PRODH2: variants seen among roughly 807,000 people sequenced by gnomAD.
The protein encoded by PRODH2 is proline dehydrogenase 2.
In PRODH2, 49 loss-of-function variants were observed where a neutral mutation model predicts 51.9. That is an observed-to-expected ratio of 0.94 (90% confidence interval 0.75 to 1.20). The LOEUF (loss-of-function observed/expected upper bound fraction) is 1.20. Among genes scored for constraint, PRODH2 ranks in the 50% most tolerant of loss-of-function variants. The pLI, the probability that PRODH2 is intolerant of heterozygous loss-of-function variation, is 0.00. For missense variants in PRODH2, 597 were observed against 610.9 expected (o/e 0.98, Z 0.24); for synonymous variants, 249 against 260.7 (o/e 0.96, Z 0.43).
At chr19:35,809,847 T>C (rs1215468361) in intron 4 of PRODH2, among the ~76,000 whole-genome samples, 1 of 147,070 alleles carries the variant, frequency 6.8e-6, no homozygotes, top group East Asian at 2.0e-4. Context: ...TAGCCCCAGC[T>C]ACTCAGGAGG....
chr19:35,804,522 A>G (rs915439742), intron 7 of PRODH2, among the ~76,000 whole-genome samples: 4 of 152,190 alleles, frequency 2.6e-5, no homozygotes, highest in African/African-American at 7.2e-5. Context: ...TGAAGCTGAG[A>G]GGGGTTCTAT....
At chr19:35,812,301 A>G in intron 2 of PRODH2, 29 bp from the exon 3 acceptor site, 1 of 1,612,416 alleles carries the variant, frequency 6.2e-7, no homozygotes, top group South Asian at 1.1e-5. Flanking sequence ...TCAGGGCCCG[A>G]ACAGCAAAGC....
rs772902318 is a variant in PRODH2 at position 35,812,011 on chromosome 19, G to T, written c.548C>A (p.Ser183Tyr). The T allele has an allele frequency of 6.2e-7, 1 of 1,614,220 alleles. No homozygotes were observed. Among genetic ancestry groups the T allele is most frequent in the Non-Finnish European group, 8.5e-7 (1 of 1,180,032 alleles). The change falls in exon 4 of 10, where the codon TCC (serine) becomes TAC (tyrosine). Residue 183 changes from serine to tyrosine, a missense_variant. Transcript: ENST00000653904. ...LASWVRRPGA[S>Y]LELSPERLAE... ...CAGCCTCTCGGGGCTCAGCTCCAAG[G>T]AGGCTCCTGGCCTTCTGACCCACGA...
Position 35,800,024 on chromosome 19 carries a change from C to A in PRODH2, c.*14G>T, listed in dbSNP as rs1461195671. 6.2e-7 allele frequency: 1 copy of A among 1,604,172 alleles called. No homozygotes were observed. The highest frequency in any genetic ancestry group is 2.2e-5 in the East Asian group (1 of 44,752). Reference sequence around the variant, plus strand: ...CTAAGGACTTTTATTGACCACATGACCCCCTCAGGGGTGCTAGTGGGGTAT... The same window carrying A: ...CTAAGGACTTTTATTGACCACATGAACCCCTCAGGGGTGCTAGTGGGGTAT... On this transcript the variant is annotated 3_prime_UTR_variant, in exon 10 of 10. Transcript: ENST00000653904.
At chr19:35,800,967 G>A (rs917477233) in intron 9 of PRODH2, among the ~76,000 whole-genome samples, 1 of 152,108 alleles carries the variant, frequency 6.6e-6, no homozygotes, top group African/African-American at 2.4e-5. Flanking sequence ...TCAGCACACT[G>A]ACCAACCTGG....
At chr19:35,806,947 G>A (rs559769994) in intron 5 of PRODH2, 94 bp downstream of exon 5, 1 of 1,543,276 alleles carries the variant, frequency 6.5e-7, no homozygotes, top group Non-Finnish European at 8.7e-7. Context: ...GGGAGGCCCG[G>A]AGGTGCTGGT....
intron 7 of PRODH2, among the ~76,000 whole-genome samples, chr19:35,804,941 T>C (rs1972488518): frequency 6.6e-6 from 1 of 151,936 alleles, no homozygotes; most frequent in Non-Finnish European, 1.5e-5. Context: ...GTCTCAAAAA[T>C]AACTTAAAAA....
chr19:35,807,209 G>A lies in PRODH2; in HGVS notation c.598-88C>T, dbSNP rs1179512463. The A allele has an allele frequency of 8.0e-6, 10 of 1,243,868 alleles. No homozygotes were observed. In the African/African-American group the frequency reaches 1.1e-4, roughly 13 times the overall value. 77.1% of individuals were successfully genotyped at this position (1,243,868 alleles called of 1,614,324 possible). On this transcript the variant is annotated intron_variant, in intron 4 of 9. Coordinates refer to ENST00000653904, the MANE Select transcript of PRODH2 (RefSeq NM_021232.2). ...ATATCAGTTAGGTACTATTTATTGA[G>A]GGGGTTATGAGCCTAGAATCAGGGC...
chr19:35,809,975 A>C (rs897610319), intron 4 of PRODH2, among the ~76,000 whole-genome samples: 1 of 134,558 alleles, frequency 7.4e-6, no homozygotes, highest in African/African-American at 2.8e-5. Flanking sequence ...AAAAAAAAAA[A>C]AAAAAAAAAA....
At chr19:35,803,670 G>A (rs555835200) in intron 7 of PRODH2, among the ~76,000 whole-genome samples, 2 of 152,298 alleles carry the variant, frequency 1.3e-5, no homozygotes, top group East Asian at 1.9e-4. Flanking sequence ...GGAGAGGGTC[G>A]CATCACATGC....
rs2312051 is a variant in PRODH2 at position 35,809,111 on chromosome 19, C to T, written c.598-1990G>A. Among the ~76,000 whole-genome samples, 1,460 of 146,528 alleles carry T rather than the reference C, an allele frequency of 1.0e-2. 23 individuals are homozygous for T. Among genetic ancestry groups the T allele is most frequent in the African/African-American group, 0.036 (1,366 of 37,998 alleles). ...TTCTTTCTTTCTTTATTTCTTTCTTCCTTCCTTCCTTCCTTCCTTTCCTTC... is the reference window on the plus strand; with the variant it reads ...TTCTTTCTTTCTTTATTTCTTTCTTTCTTCCTTCCTTCCTTCCTTTCCTTC... On this transcript the variant is annotated intron_variant, in intron 4 of 9. Coordinates refer to ENST00000653904, the MANE Select transcript of PRODH2 (RefSeq NM_021232.2).
chr19:35,802,406 T>C, intron 8 of PRODH2, 130 bp from the exon 9 acceptor site: 2 of 810,778 alleles, frequency 2.5e-6, no homozygotes, highest in Admixed American at 2.0e-5. Context: ...TGATACATAA[T>C]AACCAGTCCT....
chr19:35,808,219 G>C (rs769639484), intron 4 of PRODH2, among the ~76,000 whole-genome samples: 3 of 152,202 alleles, frequency 2.0e-5, no homozygotes, highest in Non-Finnish European at 4.4e-5. Context: ...AATAAGAACC[G>C]TTTCTAACTC....
intron 4 of PRODH2, among the ~76,000 whole-genome samples, chr19:35,809,120 CTTCCTTCCT>C (rs1393173544): frequency 6.6e-6 from 1 of 151,210 alleles, no homozygotes. Flanking sequence ...TCCTTCCTTC[CTTCCTTCCT>C]TTCCTTCCTT....
chr19:35,802,135 G>A, intron 9 of PRODH2, 56 bp downstream of exon 9: 1 of 1,524,250 alleles, frequency 6.6e-7, no homozygotes, highest in Non-Finnish European at 9.1e-7. Context: ...GAAGGGCTCT[G>A]GCTGGGAGGG....
chr19:35,807,183 A>C, intron 4 of PRODH2, 62 bp from the exon 5 acceptor site: 2 of 1,407,228 alleles, frequency 1.4e-6, no homozygotes, highest in Non-Finnish European at 2.0e-6. Context: ...AAAAATGAGC[A>C]ATATCAGTTA....
At chr19:35,810,902 G>C (rs184019577) in intron 4 of PRODH2, among the ~76,000 whole-genome samples, 211 of 152,260 alleles carry the variant, frequency 1.4e-3, no homozygotes, top group African/African-American at 5.0e-3. Flanking sequence ...TTTACAATGT[G>C]TGTAGTTCAT....
In PRODH2 at chr19:35,803,559, G is replaced by A. The variant is rs540001689; in HGVS notation, c.1002-481C>T. ...CGTGAGCCACCGCACCCGGCCCCAT[G>A]TTAATCTCTTGTCACTGTGAGTTTC... On this transcript the variant is annotated intron_variant, in intron 7 of 9. Coordinates refer to ENST00000653904, the MANE Select transcript of PRODH2 (RefSeq NM_021232.2). 2.0e-5 allele frequency among the ~76,000 whole-genome samples: 3 copies of A among 152,296 alleles called. No individual in the cohort carries two copies. The East Asian group carries it at 5.8e-4, about 29-fold the overall frequency.
chr19:35,802,131 C>G (rs1972441435), intron 9 of PRODH2, 60 bp downstream of exon 9: 1 of 1,503,852 alleles, frequency 6.6e-7, no homozygotes, highest in Admixed American at 1.7e-5. Context: ...AGGAGAAGGG[C>G]TCTGGCTGGG....
Sources: allele counts gnomAD v4.1 joint callset (sites outside exome capture counted in the v4.1 genomes callset), GRCh38; gene constraint gnomAD v4.1.1; transcripts MANE v1.5; gene names NCBI Gene and HGNC (gene_info 2026-07-23, HGNC 2026-07-21).